The following SCUBE1 variants were observed in gnomAD, a reference collection of about 807,000 sequenced individuals.
SCUBE1 encodes signal peptide, CUB domain and EGF like domain containing 1.
In SCUBE1, 59 loss-of-function variants were observed where a neutral mutation model predicts 124.4. The observed-to-expected ratio is 0.47, with a 90% CI of 0.38 to 0.59. The LOEUF (loss-of-function observed/expected upper bound fraction) is 0.59, where lower values mean the gene tolerates loss of function less well. SCUBE1 is among the 20% of genes least tolerant of loss of function. SCUBE1 has a pLI of 0.00. For synonymous variants in SCUBE1, 545 were observed against 550.9 expected (o/e 0.99, Z 0.15); for missense variants, 1,150 against 1,371.2 (o/e 0.84, Z 2.55).
intron 4 of SCUBE1, among the ~76,000 whole-genome samples, chr22:43,276,797 C>T (rs769392692): frequency 6.6e-5 from 10 of 152,214 alleles, no homozygotes; most frequent in Non-Finnish European, 1.3e-4. Flanking sequence ...GCTAAGTGAC[C>T]TCTGACAGGA....
At position 43,207,615 on chromosome 22, in the gene SCUBE1, TG is replaced by T. The variant is rs1248120674; in HGVS notation, c.2735-3del. ...CCTCTATGAGTTGCTGGTAGTCCTCTGGGCAGCGGGTCAGCAGGGGGAGAGG... is the reference window on the plus strand; with the variant it reads ...CCTCTATGAGTTGCTGGTAGTCCTCTGGCAGCGGGTCAGCAGGGGGAGAGG... On this transcript the variant is annotated splice_polypyrimidine_tract_variant and splice_region_variant and intron_variant, in intron 20 of 21. Transcript: ENST00000360835. The T allele has an allele frequency of 1.2e-6, 2 of 1,613,308 alleles. No homozygotes were observed. The highest frequency in any genetic ancestry group is 2.7e-5 in the African/African-American group (2 of 74,938).
chr22:43,341,497 A>G (rs1927316065), intron 1 of SCUBE1, among the ~76,000 whole-genome samples: 2 of 150,028 alleles, frequency 1.3e-5, no homozygotes, highest in Non-Finnish European at 1.5e-5. Flanking sequence ...GAGGGGTGGG[A>G]GCCCCTTGTG....
At chr22:43,266,393 T>C (rs1924066145) in intron 4 of SCUBE1, among the ~76,000 whole-genome samples, 1 of 152,150 alleles carries the variant, frequency 6.6e-6, no homozygotes, top group African/African-American at 2.4e-5. Flanking sequence ...GACTGTGGCT[T>C]CCGAAGCACT....
chr22:43,308,168 C>A (rs1375102848), intron 3 of SCUBE1, among the ~76,000 whole-genome samples: 2 of 152,252 alleles, frequency 1.3e-5, no homozygotes, highest in Non-Finnish European at 2.9e-5. Flanking sequence ...ATGTACAACA[C>A]TGTCCAGGGA....
intron 4 of SCUBE1, 62 bp from the exon 5 acceptor site, chr22:43,262,907 T>G (rs1923925164): frequency 6.3e-7 from 1 of 1,577,124 alleles, no homozygotes; most frequent in Non-Finnish European, 8.7e-7. Context: ...AGAGAAAATT[T>G]CAGGCTGAAA....
At chr22:43,280,268 G>A (rs945198583) in intron 4 of SCUBE1, among the ~76,000 whole-genome samples, 3 of 152,018 alleles carry the variant, frequency 2.0e-5, no homozygotes, top group Admixed American at 6.6e-5. Flanking sequence ...CAGAGCCACC[G>A]AAACTTAAAT....
At chr22:43,288,966 C>G (rs1397931806) in intron 4 of SCUBE1, among the ~76,000 whole-genome samples, 1 of 152,246 alleles carries the variant, frequency 6.6e-6, no homozygotes, top group Admixed American at 6.5e-5. Context: ...CTCAGCACAG[C>G]AGATGCTTAC....
intron 4 of SCUBE1, among the ~76,000 whole-genome samples, chr22:43,269,230 G>T (rs1569003533): frequency 6.6e-6 from 1 of 152,136 alleles, no homozygotes; most frequent in Non-Finnish European, 1.5e-5. Context: ...ATCTCCTCTG[G>T]ACTCTGACAG....
chr22:43,338,306 T>C lies in SCUBE1; in HGVS notation c.220+798A>G, dbSNP rs753206608. ...CAGGAGGGCTAACCAGCACCCCAGG[T>C]GCAGGGCAGAAAGGCTGGAGAGACA... On this transcript the variant is annotated intron_variant, in intron 2 of 21. Transcript: ENST00000360835. 4.6e-5 allele frequency among the ~76,000 whole-genome samples: 7 copies of C among 152,116 alleles called. No homozygotes were observed. In the South Asian group the frequency reaches 8.3e-4, roughly 18 times the overall value.
At chr22:43,321,584 T>A (rs924530703) in intron 2 of SCUBE1, among the ~76,000 whole-genome samples, 1 of 151,512 alleles carries the variant, frequency 6.6e-6, no homozygotes, top group African/African-American at 2.4e-5. Context: ...CCACTCTTGG[T>A]GTCCGTGCAG....
intron 5 of SCUBE1, among the ~76,000 whole-genome samples, chr22:43,261,805 A>C (rs1395749214): frequency 6.6e-6 from 1 of 152,232 alleles, no homozygotes; most frequent in East Asian, 1.9e-4. Flanking sequence ...TGCTTCCAGC[A>C]GTCTTCTTTG....
intron 3 of SCUBE1, among the ~76,000 whole-genome samples, chr22:43,312,356 T>G (rs571736540): frequency 1.3e-5 from 2 of 152,172 alleles, no homozygotes; most frequent in South Asian, 4.2e-4. Flanking sequence ...TGGTTGGGGC[T>G]TGAAGGATGA....
At chr22:43,276,100 C>A in intron 4 of SCUBE1, 1 of 152,646 alleles carries the variant, frequency 6.6e-6, no homozygotes, top group Non-Finnish European at 1.5e-5. Context: ...AGCGCTGGTG[C>A]CCCACTGATG....
chr22:43,229,219 G>A, intron 8 of SCUBE1, 31 bp from the exon 9 acceptor site: 3 of 1,252,826 alleles, frequency 2.4e-6, no homozygotes, highest in East Asian at 2.3e-5. Flanking sequence ...AAAGTTGGGG[G>A]AGGAGTTTGA....
At chr22:43,338,762 T>C (rs1927167746) in intron 2 of SCUBE1, among the ~76,000 whole-genome samples, 2 of 152,162 alleles carry the variant, frequency 1.3e-5, no homozygotes, top group African/African-American at 4.8e-5. Flanking sequence ...GGTCTCAAAC[T>C]CTTGACCTCA....
At chr22:43,204,900 T>A (rs1921158119) in intron 21 of SCUBE1, among the ~76,000 whole-genome samples, 2 of 148,658 alleles carry the variant, frequency 1.3e-5, no homozygotes, top group Admixed American at 1.4e-4. Context: ...GCCGAGAGTG[T>A]GCCACTGCAC....
At chr22:43,257,910 A>G (rs1291261897) in intron 6 of SCUBE1, among the ~76,000 whole-genome samples, 1 of 152,002 alleles carries the variant, frequency 6.6e-6, no homozygotes, top group Non-Finnish European at 1.5e-5. Context: ...GCCTGGGGCC[A>G]CCCCTCACTT....
intron 5 of SCUBE1, among the ~76,000 whole-genome samples, chr22:43,262,239 T>C (rs1000529988): frequency 1.3e-5 from 2 of 152,256 alleles, no homozygotes; most frequent in Non-Finnish European, 2.9e-5. Context: ...AGTGATCCTC[T>C]GGCTTCTGCC....
chr22:43,205,542 C>T (rs1050798806), intron 21 of SCUBE1, among the ~76,000 whole-genome samples: 1 of 151,782 alleles, frequency 6.6e-6, no homozygotes, highest in African/African-American at 2.4e-5. Flanking sequence ...TGGACCTGTC[C>T]TGGCACACAC....
Sources: allele counts gnomAD v4.1 joint callset (sites outside exome capture counted in the v4.1 genomes callset), GRCh38; gene constraint gnomAD v4.1.1; transcripts MANE v1.5; gene names NCBI Gene and HGNC (gene_info 2026-07-23, HGNC 2026-07-21).